Variants in CDH12 observed in about 807,000 individuals in gnomAD.
CDH12 encodes the protein cadherin 12, also known as cadherin-12.
In CDH12, 41 loss-of-function variants were observed where a neutral mutation model predicts 74.1. The ratio of observed to expected loss-of-function variants is 0.55; its 90% confidence interval spans 0.43 to 0.72. CDH12 has a LOEUF of 0.72. Ranked by LOEUF, CDH12 falls within the 30% of genes least tolerant of loss-of-function variation. The pLI, the probability that CDH12 is intolerant of heterozygous loss-of-function variation, is 0.00. For missense variants in CDH12, 945 were observed against 977.2 expected (o/e 0.97, Z 0.44); for synonymous variants, 399 against 355.0 (o/e 1.12, Z -1.39).
At position 22,494,587 on chromosome 5, in the gene CDH12, C is replaced by T. The variant is rs531147559; in HGVS notation, c.-428+10683G>A. The stretch of plus-strand genomic sequence containing the variant: ...ATGTTCTTGTGACCAGAAATCTGCT[C>T]CAGGAACTTACATCTTGTTTATATC... On this transcript the variant is annotated intron_variant, in intron 2 of 14. Coordinates refer to ENST00000382254, the MANE Select transcript of CDH12 (RefSeq NM_004061.5). Among the ~76,000 whole-genome samples the T allele has an allele frequency of 2.0e-5, 3 of 152,296 alleles. No homozygotes were observed. In the South Asian group the frequency reaches 6.2e-4, roughly 32 times the overall value.
At chr5:21,801,040 T>C (rs533805660) in intron 10 of CDH12, among the ~76,000 whole-genome samples, 1 of 152,314 alleles carries the variant, frequency 6.6e-6, no homozygotes, top group East Asian at 1.9e-4. Flanking sequence ...ACATCCAGTA[T>C]GTGTTAATGG....
At chr5:21,977,349 T>C (rs1196974511) in intron 5 of CDH12, among the ~76,000 whole-genome samples, 1 of 152,090 alleles carries the variant, frequency 6.6e-6, no homozygotes, top group Admixed American at 6.6e-5. Context: ...CTTATGAATT[T>C]CAAATTATAA....
chr5:21,873,423 T>A (rs1277702466), intron 6 of CDH12, among the ~76,000 whole-genome samples: 3 of 152,172 alleles, frequency 2.0e-5, no homozygotes, highest in Admixed American at 2.0e-4. Flanking sequence ...CTTCGGACAC[T>A]GATGTGCAGA....
Position 22,117,523 on chromosome 5 carries a change from A to ATAAT in CDH12, c.-186-38662_-186-38661insATTA, listed in dbSNP as rs1347655379. ...TATAATATATATATAATATATATAT[A>ATAAT]ATATATATATATATATATAGTGTGT... On this transcript the variant is annotated intron_variant, in intron 4 of 14. Transcript: ENST00000382254. Among the ~76,000 whole-genome samples the ATAAT allele has an allele frequency of 4.9e-3, 321 of 65,342 alleles. 2 individuals carry two copies. The highest frequency in any genetic ancestry group is 0.015 in the East Asian group (38 of 2,474). 42.9% of individuals were successfully genotyped at this position (65,342 alleles called of 152,430 possible).
chr5:22,824,569 A>T (rs1316726644), intron 1 of CDH12, among the ~76,000 whole-genome samples: 1 of 152,110 alleles, frequency 6.6e-6, no homozygotes, highest in East Asian at 1.9e-4. Context: ...GTCTTTAGAC[A>T]TTCATAAATG....
chr5:22,144,862 T>C (rs939461806), intron 4 of CDH12, among the ~76,000 whole-genome samples: 1 of 152,122 alleles, frequency 6.6e-6, no homozygotes, highest in Non-Finnish European at 1.5e-5. Flanking sequence ...AAAATACGCA[T>C]GTTGTAAAAT....
At chr5:22,376,746 ATCCTGGGC>A (rs1580582570) in intron 3 of CDH12, among the ~76,000 whole-genome samples, 1 of 148,374 alleles carries the variant, frequency 6.7e-6, no homozygotes, top group East Asian at 2.0e-4. Flanking sequence ...CAGTCTCAAA[ATCCTGGGC>A]TCAAGTGATC....
At position 22,340,400 on chromosome 5, in the gene CDH12, G is replaced by A. The variant is rs552644895; in HGVS notation, c.-333+64857C>T. Among the ~76,000 whole-genome samples, 74 of 152,074 alleles carry A rather than the reference G, an allele frequency of 4.9e-4. 1 individual carries two copies. In the East Asian group the frequency reaches 0.014, roughly 28 times the overall value. Reference sequence around the variant, plus strand: ...AAATTAGCCAGACGTGGTGGCGGGTGCCTGTAGTCCCAGCTACTCGGGAGG... The same window carrying A: ...AAATTAGCCAGACGTGGTGGCGGGTACCTGTAGTCCCAGCTACTCGGGAGG... On this transcript the variant is annotated intron_variant, in intron 3 of 14. Transcript: ENST00000382254.
At chr5:22,755,456 G>A (rs1390120639) in intron 1 of CDH12, among the ~76,000 whole-genome samples, 1 of 152,064 alleles carries the variant, frequency 6.6e-6, no homozygotes, top group African/African-American at 2.4e-5. Context: ...GTCACAGTTT[G>A]AGTTTGTATC....
At chr5:22,632,341 C>G (rs901028814) in intron 1 of CDH12, among the ~76,000 whole-genome samples, 1 of 151,642 alleles carries the variant, frequency 6.6e-6, no homozygotes, top group Non-Finnish European at 1.5e-5. Context: ...TGTGAGAATG[C>G]GCTAATACAT....
intron 2 of CDH12, among the ~76,000 whole-genome samples, chr5:22,454,663 C>T (rs1745193222): frequency 1.3e-5 from 2 of 151,974 alleles, no homozygotes; most frequent in South Asian, 2.1e-4. Flanking sequence ...TTAGTAGGTA[C>T]GGGGTTTCAC....
intron 1 of CDH12, among the ~76,000 whole-genome samples, chr5:22,589,394 G>A (rs965083396): frequency 6.6e-6 from 1 of 152,162 alleles, no homozygotes; most frequent in African/African-American, 2.4e-5. Context: ...AATGTTTGAT[G>A]TTGTAATCCA....
intron 4 of CDH12, among the ~76,000 whole-genome samples, chr5:22,181,414 A>G (rs565208069): frequency 6.6e-6 from 1 of 152,154 alleles, no homozygotes; most frequent in South Asian, 2.1e-4. Flanking sequence ...CTCATCTTCT[A>G]TGGAAACATA....
chr5:22,421,861 C>G (rs1743666999), intron 2 of CDH12, among the ~76,000 whole-genome samples: 1 of 152,162 alleles, frequency 6.6e-6, no homozygotes, highest in Admixed American at 6.5e-5. Context: ...TGTTTACTGA[C>G]TTTTTAATGA....
At chr5:22,740,212 G>C (rs1023785461) in intron 1 of CDH12, among the ~76,000 whole-genome samples, 2 of 152,042 alleles carry the variant, frequency 1.3e-5, no homozygotes, top group Admixed American at 1.3e-4. Flanking sequence ...AACAGGAAAA[G>C]AAGCTCCTGA....
chr5:22,411,163 A>G (rs942219948), intron 2 of CDH12, among the ~76,000 whole-genome samples: 5 of 151,988 alleles, frequency 3.3e-5, no homozygotes, highest in African/African-American at 7.2e-5. Flanking sequence ...AAATCAAAAT[A>G]ATGAGTTTAT....
At chr5:21,874,653 G>T (rs555907242) in intron 6 of CDH12, among the ~76,000 whole-genome samples, 1 of 152,132 alleles carries the variant, frequency 6.6e-6, no homozygotes, top group Non-Finnish European at 1.5e-5. Flanking sequence ...CTTCTGGTCT[G>T]TGTTTGCTAC....
intron 11 of CDH12, among the ~76,000 whole-genome samples, chr5:21,766,441 T>C (rs1003178948): frequency 6.6e-6 from 1 of 151,960 alleles, no homozygotes; most frequent in African/African-American, 2.4e-5. Flanking sequence ...ACTATCTTAT[T>C]TAATAGAAAC....
At chr5:22,546,792 G>C (rs1738352357) in intron 1 of CDH12, among the ~76,000 whole-genome samples, 1 of 152,042 alleles carries the variant, frequency 6.6e-6, no homozygotes, top group South Asian at 2.1e-4. Flanking sequence ...CTTTTGCATG[G>C]TGTATCAAAG....
Sources: allele counts gnomAD v4.1 joint callset (sites outside exome capture counted in the v4.1 genomes callset), GRCh38; gene constraint gnomAD v4.1.1; transcripts MANE v1.5; gene names NCBI Gene and HGNC (gene_info 2026-07-23, HGNC 2026-07-21).